Variants in PRDM16 observed in about 807,000 individuals in gnomAD.
PRDM16 encodes histone-lysine N-methyltransferase PRDM16.
Under a neutral mutation model 110.6 loss-of-function variants are expected in PRDM16, and 23 were observed. That is an observed-to-expected ratio of 0.21 (90% confidence interval 0.15 to 0.29). The LOEUF is 0.29. Ranked by LOEUF, PRDM16 falls within the 10% of genes least tolerant of loss-of-function variation. The pLI is 1.00. For missense variants in PRDM16, 1,615 were observed against 1,794.3 expected (o/e 0.90, Z 1.81); for synonymous variants, 799 against 781.8 (o/e 1.02, Z -0.37).
intron 1 of PRDM16, among the ~76,000 whole-genome samples, chr1:3,177,619 C>T (rs2100772375): frequency 6.6e-6 from 1 of 152,334 alleles, no homozygotes; most frequent in South Asian, 2.1e-4. Flanking sequence ...GGCCAGTCCC[C>T]AGGAGAGCGA....
intron 2 of PRDM16, among the ~76,000 whole-genome samples, chr1:3,237,097 G>C (rs575793201): frequency 6.6e-6 from 1 of 152,056 alleles, no homozygotes; most frequent in African/African-American, 2.4e-5. Flanking sequence ...GAGACCCCTT[G>C]GGGGCCCGTG....
At chr1:3,219,876 C>G (rs566229145) in intron 2 of PRDM16, among the ~76,000 whole-genome samples, 1 of 152,222 alleles carries the variant, frequency 6.6e-6, no homozygotes, top group East Asian at 1.9e-4. Context: ...CCAGCTCCCC[C>G]ACAGGCATGA....
At chr1:3,330,757 G>T (rs1231650448) in intron 3 of PRDM16, among the ~76,000 whole-genome samples, 2 of 152,214 alleles carry the variant, frequency 1.3e-5, no homozygotes, top group East Asian at 3.9e-4. Context: ...TCACGACAGA[G>T]CCTCCTAAGC....
At position 3,363,984 on chromosome 1, in the gene PRDM16, C is replaced by G. The variant is rs182472105; in HGVS notation, c.439-21168C>G. ...AGCGCCCCCCGCCCCCCGAGCCAGC[C>G]CGCTACGCACACCTTAGCCCTTCAT... On this transcript the variant is annotated intron_variant, in intron 3 of 16. Coordinates refer to ENST00000270722, the MANE Select transcript of PRDM16 (RefSeq NM_022114.4). 2.3e-3 allele frequency among the ~76,000 whole-genome samples: 343 copies of G among 152,236 alleles called. 3 individuals carry two copies. The highest frequency in any genetic ancestry group is 8.0e-3 in the African/African-American group (334 of 41,548).
chr1:3,276,839 C>A (rs748908825), intron 3 of PRDM16, among the ~76,000 whole-genome samples: 2 of 151,960 alleles, frequency 1.3e-5, no homozygotes, highest in African/African-American at 2.4e-5. Context: ...GGCCTGGACC[C>A]TGAGGCCAAC....
intron 3 of PRDM16, among the ~76,000 whole-genome samples, chr1:3,348,709 G>C (rs922887468): frequency 1.3e-5 from 2 of 152,258 alleles, no homozygotes; most frequent in African/African-American, 4.8e-5. Context: ...TAGCTGTTCA[G>C]TTCTTCACAG....
At chr1:3,278,978 C>A (rs924350370) in intron 3 of PRDM16, among the ~76,000 whole-genome samples, 1 of 152,232 alleles carries the variant, frequency 6.6e-6, no homozygotes, top group African/African-American at 2.4e-5. Flanking sequence ...CCGAGCGCGG[C>A]GCTGGCCGTG....
At chr1:3,178,511 G>A (rs1352735833) in intron 1 of PRDM16, among the ~76,000 whole-genome samples, 2 of 152,186 alleles carry the variant, frequency 1.3e-5, no homozygotes, top group African/African-American at 4.8e-5. Flanking sequence ...GGAGGCTGCC[G>A]CTTGCTTTTC....
At chr1:3,429,491 C>T (rs1055488902) in intron 14 of PRDM16, among the ~76,000 whole-genome samples, 2 of 152,366 alleles carry the variant, frequency 1.3e-5, no homozygotes, top group East Asian at 1.9e-4. Flanking sequence ...TGAGCCTGGG[C>T]TCTCACCCTG....
chr1:3,277,786 T>C (rs56910415), intron 3 of PRDM16, among the ~76,000 whole-genome samples: 31,241 of 151,726 alleles, frequency 0.21, 4,158 homozygotes, highest in African/African-American at 0.35. Flanking sequence ...CGCACACATA[T>C]GCACACACAA....
intron 2 of PRDM16, chr1:3,207,482 G>C (rs565960494): frequency 6.6e-6 from 1 of 152,406 alleles, no homozygotes; most frequent in South Asian, 2.1e-4. Context: ...AGGAGACAAT[G>C]CTCTTTGGAG....
At chr1:3,328,026 G>T (rs115602064) in intron 3 of PRDM16, among the ~76,000 whole-genome samples, 31 of 152,306 alleles carry the variant, frequency 2.0e-4, no homozygotes, top group Admixed American at 1.4e-3. Flanking sequence ...TCTGGGGACC[G>T]GAATCCCCCA....
intron 15 of PRDM16, 126 bp from the exon 16 acceptor site, chr1:3,431,840 G>C: frequency 1.1e-6 from 1 of 893,160 alleles, no homozygotes; most frequent in South Asian, 1.6e-5. Flanking sequence ...CTGTCTCCCT[G>C]TGCATGTGGC....
chr1:3,347,137 C>CG (rs1642378103), intron 3 of PRDM16, among the ~76,000 whole-genome samples: 1 of 152,148 alleles, frequency 6.6e-6, no homozygotes, highest in Non-Finnish European at 1.5e-5. Context: ...TGTACAGCCC[C>CG]GGGAGTGTGA....
At chr1:3,369,592 A>C (rs1642875373) in intron 3 of PRDM16, among the ~76,000 whole-genome samples, 2 of 152,208 alleles carry the variant, frequency 1.3e-5, no homozygotes, top group Admixed American at 6.5e-5. Context: ...TCTCCACACA[A>C]CCAGCCGGAC....
intron 4 of PRDM16, chr1:3,396,217 C>T: frequency 1.9e-6 from 1 of 517,402 alleles, no homozygotes; most frequent in Non-Finnish European, 3.7e-6. Flanking sequence ...CCCAGGACAC[C>T]CCCAGCTGGG....
intron 2 of PRDM16, among the ~76,000 whole-genome samples, chr1:3,212,694 T>TCCCGCTCATCCTACCGGCC (rs1167908082): frequency 6.6e-6 from 1 of 151,172 alleles, no homozygotes; most frequent in African/African-American, 2.4e-5. Context: ...GCTGCGGTCC[T>TCCCGCTCATCCTACCGGCC]CTCTGCCACT....
intron 1 of PRDM16, among the ~76,000 whole-genome samples, chr1:3,139,926 C>A (rs886403284): frequency 6.6e-6 from 1 of 152,228 alleles, no homozygotes; most frequent in Non-Finnish European, 1.5e-5. Flanking sequence ...GGCCATGTGC[C>A]GTGACCTTGA....
In PRDM16 at chr1:3,216,706, CTCACGAAA is replaced by C. The variant is rs1238159754; in HGVS notation, c.388-27377_388-27370del. Among the ~76,000 whole-genome samples, 4 of 152,344 alleles carry C rather than the reference CTCACGAAA, an allele frequency of 2.6e-5. No homozygotes were observed. In the East Asian group the frequency reaches 7.7e-4, roughly 29 times the overall value. ...ACACTGTCCGGAGGCTGTGGTTGGC[CTCACGAAA>C]TCAGAGAGTCTAGGCCCATGCCTGA... On this transcript the variant is annotated intron_variant, in intron 2 of 16. Coordinates refer to ENST00000270722, the MANE Select transcript of PRDM16 (RefSeq NM_022114.4).
Sources: gnomAD v4.1 joint callset for allele counts (sites outside exome capture counted in the v4.1 genomes callset) on GRCh38, gnomAD v4.1.1 for gene constraint, MANE v1.5 for transcripts, NCBI Gene and HGNC (gene_info 2026-07-23, HGNC 2026-07-21) for gene names.